Variants in PITPNB observed in about 807,000 individuals in gnomAD.
PITPNB encodes phosphatidylinositol transfer protein beta.
A neutral mutation model predicts 45.9 loss-of-function variants in PITPNB; 16 were observed. The observed-to-expected ratio is 0.35, with a 90% CI of 0.24 to 0.53. PITPNB has a LOEUF of 0.53. Among genes scored for constraint, PITPNB ranks in the 20% least tolerant of loss-of-function variants. The probability of loss-of-function intolerance (pLI) is 0.93; values close to 1 mark genes in which losing one functional copy is unlikely to be tolerated. For synonymous variants in PITPNB, 112 were observed against 108.9 expected, an observed-to-expected ratio of 1.03 and a Z score of -0.18; for missense variants, 188 against 330.5, an observed-to-expected ratio of 0.57 and a Z score of 3.34.
At chr22:27,869,517 T>C (rs1232994850) in intron 8 of PITPNB, among the ~76,000 whole-genome samples, 1 of 132,232 alleles carries the variant, frequency 7.6e-6, no homozygotes, top group Non-Finnish European at 1.7e-5. Context: ...AAATCACTCA[T>C]TAAACATATA....
chr22:27,886,230 T>C lies in PITPNB; in HGVS notation c.456+8325A>G, dbSNP rs73880346. On this transcript the variant is annotated intron_variant, in intron 7 of 11. Transcript: ENST00000335272. ...GACAAAAGATACTAAGTGAGGACAT[T>C]ATGCAGAAATCCCAGACTACTTGGC... is the stretch of plus-strand genomic sequence containing the variant. 7.8e-3 allele frequency among the ~76,000 whole-genome samples: 1,195 copies of C among 152,332 alleles called. 19 individuals carry two copies. Among genetic ancestry groups the C allele is most frequent in the African/African-American group, 0.028 (1,145 of 41,570 alleles).
rs928383337 is a variant in PITPNB at position 27,852,399 on chromosome 22, C to T, written c.*1303G>A. On this transcript the variant is annotated 3_prime_UTR_variant, in exon 12 of 12. Transcript: ENST00000335272. Reference sequence around the variant, plus strand: ...AAATCTTACCTAGCTATTGTTCCTTCCTTTAAATAAAAAATAAAATTAAAT... The same window carrying T: ...AAATCTTACCTAGCTATTGTTCCTTTCTTTAAATAAAAAATAAAATTAAAT... 7 of 152,176 alleles carry T rather than the reference C, an allele frequency of 4.6e-5. No homozygotes were observed. Among genetic ancestry groups the T allele is most frequent in the Non-Finnish European group, 7.3e-5 (5 of 68,038 alleles). The allele number at this position is 152,176 out of a possible 1,614,324, so 9.4% of individuals were successfully genotyped here. A position where few individuals can be genotyped will look rare whatever the true frequency, so the allele number is the denominator to read the frequency against.
intron 7 of PITPNB, among the ~76,000 whole-genome samples, chr22:27,879,449 T>C (rs1040203078): frequency 2.0e-5 from 3 of 152,200 alleles, no homozygotes; most frequent in African/African-American, 7.2e-5. Context: ...TGAGCTGCCT[T>C]AAGCAGCTGC....
chr22:27,905,755 C>T (rs738453), intron 3 of PITPNB, among the ~76,000 whole-genome samples: 61,321 of 152,028 alleles, frequency 0.4, 12,732 homozygotes, highest in Admixed American at 0.51. Context: ...GTAACACTTA[C>T]GCAGAATAAG....
At chr22:27,911,380 T>C (rs1935916303) in intron 2 of PITPNB, among the ~76,000 whole-genome samples, 1 of 152,218 alleles carries the variant, frequency 6.6e-6, no homozygotes, top group East Asian at 1.9e-4. Context: ...GCCTTTACAC[T>C]ACCCATTTAT....
At chr22:27,888,016 C>T (rs970285444) in intron 7 of PITPNB, among the ~76,000 whole-genome samples, 2 of 152,228 alleles carry the variant, frequency 1.3e-5, no homozygotes, top group Non-Finnish European at 2.9e-5. Flanking sequence ...CATCCCATTC[C>T]TGTCCTAAGG....
intron 10 of PITPNB, among the ~76,000 whole-genome samples, chr22:27,856,667 T>G (rs910621046): frequency 6.6e-6 from 1 of 152,254 alleles, no homozygotes; most frequent in Admixed American, 6.5e-5. Flanking sequence ...AGAAGGGCTC[T>G]TTCCCAAGGG....
intron 8 of PITPNB, among the ~76,000 whole-genome samples, chr22:27,873,122 C>A (rs1934716471): frequency 6.6e-6 from 1 of 152,112 alleles, no homozygotes; most frequent in Non-Finnish European, 1.5e-5. Context: ...ACAAAATTAG[C>A]CAGGCATGGT....
intron 8 of PITPNB, among the ~76,000 whole-genome samples, chr22:27,867,314 G>A (rs780746523): frequency 7.9e-5 from 12 of 152,266 alleles, no homozygotes; most frequent in Non-Finnish European, 1.6e-4. Context: ...GACACACTGG[G>A]AGCCATGAGA....
chr22:27,889,591 G>C (rs959186922), intron 7 of PITPNB, among the ~76,000 whole-genome samples: 3 of 152,162 alleles, frequency 2.0e-5, no homozygotes, highest in Admixed American at 1.3e-4. Context: ...TTTCAGCTTT[G>C]CATTCTTACA....
At chr22:27,914,262 T>C (rs754588712) in intron 2 of PITPNB, 55 bp downstream of exon 2, 5 of 1,080,254 alleles carry the variant, frequency 4.6e-6, no homozygotes, top group Non-Finnish European at 7.2e-6. Flanking sequence ...TAGAGTAACA[T>C]ATCAAAGTAC....
chr22:27,853,540 T>A lies in PITPNB; in HGVS notation c.*162A>T. On this transcript the variant is annotated 3_prime_UTR_variant, in exon 12 of 12. Transcript: ENST00000335272. ...ATATACACACGTGGTTGAGAACCTG[T>A]GCATGTGTGTGTATCATCACAAGCA... 2.6e-6 allele frequency: 3 copies of A among 1,157,068 alleles called. No individual in the cohort carries two copies. The highest frequency in any genetic ancestry group is 3.8e-6 in the Non-Finnish European group (3 of 787,686). The allele number at this position is 1,157,068 out of a possible 1,614,324, so 71.7% of individuals were successfully genotyped here.
chr22:27,872,088 T>G (rs1039504066), intron 8 of PITPNB, among the ~76,000 whole-genome samples: 3 of 132,468 alleles, frequency 2.3e-5, no homozygotes, highest in East Asian at 2.2e-4. Context: ...CTGGTTTTTT[T>G]TTTTTTTTTT....
intron 8 of PITPNB, among the ~76,000 whole-genome samples, chr22:27,873,080 C>A (rs1443153085): frequency 2.0e-5 from 3 of 152,164 alleles, no homozygotes; most frequent in Non-Finnish European, 4.4e-5. Flanking sequence ...CCAGCCTGAC[C>A]AACATGGAGA....
chr22:27,867,278 A>C (rs2043645156), intron 8 of PITPNB, among the ~76,000 whole-genome samples: 1 of 152,070 alleles, frequency 6.6e-6, no homozygotes, highest in Non-Finnish European at 1.5e-5. Context: ...GACAGGGGGA[A>C]TACATAAACC....
chr22:27,871,894 C>CT (rs903168067), intron 8 of PITPNB, among the ~76,000 whole-genome samples: 1 of 152,036 alleles, frequency 6.6e-6, no homozygotes, highest in Non-Finnish European at 1.5e-5. Context: ...AGCTCTCACT[C>CT]TGAGTTCACA....
intron 7 of PITPNB, among the ~76,000 whole-genome samples, chr22:27,877,890 A>T (rs1934865437): frequency 6.6e-6 from 1 of 152,196 alleles, no homozygotes; most frequent in Non-Finnish European, 1.5e-5. Context: ...AACTAAGGAA[A>T]AGAGGACCCA....
At position 27,854,910 on chromosome 22, in the gene PITPNB, C is replaced by T. The variant is rs1934127934; in HGVS notation, c.798G>A (p.Thr266=). ...GACTCATCTAGACATCAGCAGCCGACGTGCCTCGAACGGAACCCCTCTTAC... is the reference window on the plus strand; with the variant it reads ...GACTCATCTAGACATCAGCAGCCGATGTGCCTCGAACGGAACCCCTCTTAC... ...TMRKRGSVRG[T]SAADV Residue 266 remains threonine (T), a synonymous_variant, in exon 11 of 12, where the codon ACG becomes ACA. Transcript: ENST00000335272. 5.8e-5 allele frequency: 94 copies of T among 1,613,642 alleles called. No homozygotes were observed. The South Asian group carries it at 9.3e-4, about 16-fold the overall frequency.
In PITPNB at chr22:27,911,405, G is replaced by A. The variant is rs1193110863; in HGVS notation, c.52-296C>T. 3.3e-5 allele frequency among the ~76,000 whole-genome samples: 5 copies of A among 152,108 alleles called. No homozygotes were observed. In the South Asian group the frequency reaches 6.2e-4, roughly 19 times the overall value. On this transcript the variant is annotated intron_variant, in intron 2 of 11. Transcript: ENST00000335272. ...TACCCATTTATCAAGAAAATGTCTCGAAACTTGGTTTAACTTTTGAACAAT... is the reference window on the plus strand; with the variant it reads ...TACCCATTTATCAAGAAAATGTCTCAAAACTTGGTTTAACTTTTGAACAAT...
Sources: allele counts gnomAD v4.1 joint callset (sites outside exome capture counted in the v4.1 genomes callset), GRCh38; gene constraint gnomAD v4.1.1; transcripts MANE v1.5; gene names NCBI Gene and HGNC (gene_info 2026-07-23, HGNC 2026-07-21).